Variants in ABL2 observed in about 807,000 individuals in gnomAD.
ABL2 encodes the protein tyrosine-protein kinase ABL2.
ABL2 carries 49 observed loss-of-function variants against 107.7 expected under a neutral mutation model. That is an observed-to-expected ratio of 0.45 (90% confidence interval 0.36 to 0.58). The LOEUF is 0.58. ABL2 is among the 20% of genes least tolerant of loss of function. The pLI is 0.00. For missense variants in ABL2, 1,245 were observed against 1,457.0 expected (o/e 0.85, Z 2.37); for synonymous variants, 549 against 548.6 (o/e 1.00, Z -0.01).
rs746015443 is a variant in ABL2, at chr1:179,186,393, T to TG, written c.157+42847_157+42848insC. On this transcript the variant is annotated intron_variant, in intron 1 of 11. Transcript: ENST00000502732. ...ACTTCTTTTTTGTTGTTGTTGTTGT[T>TG]TTGAGAGGGAGTTTCGCTCTTCTTG... Among the ~76,000 whole-genome samples, 5 of 152,142 alleles carry TG rather than the reference T, an allele frequency of 3.3e-5. No homozygotes were observed. The South Asian group carries it at 1.0e-3, about 32-fold the overall frequency.
At chr1:179,112,841 G>A (rs1654225406) in intron 9 of ABL2, among the ~76,000 whole-genome samples, 1 of 151,290 alleles carries the variant, frequency 6.6e-6, no homozygotes, top group Admixed American at 6.6e-5. Flanking sequence ...TGCAACCTCT[G>A]CCTCCTGGGT....
At chr1:179,205,226 C>T (rs1394076837) in intron 1 of ABL2, among the ~76,000 whole-genome samples, 2 of 152,002 alleles carry the variant, frequency 1.3e-5, no homozygotes, top group East Asian at 3.9e-4. Flanking sequence ...GGGGTTTCAC[C>T]ATGTTGGTCA....
chr1:179,229,489 T>C lies in ABL2; in HGVS notation c.-92A>G. On this transcript the variant is annotated 5_prime_UTR_variant, in exon 1 of 12. Coordinates refer to ENST00000502732, the MANE Select transcript of ABL2 (RefSeq NM_007314.4). ...GGGCTCCTGGCGCTGCTCCGGTCTCTCCCTCCCAGCCCAGGCCCTGGCCCT... is the reference window on the plus strand; with the variant it reads ...GGGCTCCTGGCGCTGCTCCGGTCTCCCCCTCCCAGCCCAGGCCCTGGCCCT... 1 of 1,328,914 alleles carries C rather than the reference T, an allele frequency of 7.5e-7. No individual in the cohort carries two copies. 82.3% of individuals were successfully genotyped at this position (1,328,914 alleles called of 1,614,324 possible). A position where few individuals can be genotyped will look rare whatever the true frequency, so the allele number is the denominator to read the frequency against.
In ABL2 at chr1:179,099,683, G is replaced by A. The variant is rs1652942601; in HGVS notation, c.*8035C>T. On this transcript the variant is annotated 3_prime_UTR_variant, in exon 12 of 12. Transcript: ENST00000502732. Reference sequence around the variant, plus strand: ...GCACCACATACACACCTGCGGGGCGGGACCTTTGGTATAAACGTTCAACGA... The same window carrying A: ...GCACCACATACACACCTGCGGGGCGAGACCTTTGGTATAAACGTTCAACGA... 8.7e-6 allele frequency: 2 copies of A among 230,866 alleles called. No individual in the cohort carries two copies. Among genetic ancestry groups the A allele is most frequent in the African/African-American group, 4.4e-5 (2 of 45,206 alleles). The allele number at this position is 230,866 out of a possible 1,614,324, so 14.3% of individuals were successfully genotyped here. A position where few individuals can be genotyped will look rare whatever the true frequency, so the allele number is the denominator to read the frequency against.
rs1029412875 is a variant in ABL2 at position 179,222,026 on chromosome 1, T to C, written c.157+7215A>G. Reference sequence around the variant, plus strand: ...TCTTTCTATATAGAATCCATTCAGATGTCTGTCAATTTGGATGTGTGATTG... The same window carrying C: ...TCTTTCTATATAGAATCCATTCAGACGTCTGTCAATTTGGATGTGTGATTG... On this transcript the variant is annotated intron_variant, in intron 1 of 11. Transcript: ENST00000502732. 2.0e-5 allele frequency: 4 copies of C among 199,298 alleles called. No individual in the cohort carries two copies. The Admixed American group carries it at 2.1e-4, about 10-fold the overall frequency. The allele number at this position is 199,298 out of a possible 1,614,324, so 12.3% of individuals were successfully genotyped here. A position where few individuals can be genotyped will look rare whatever the true frequency, so the allele number is the denominator to read the frequency against.
chr1:179,176,604 G>A (rs1484640911), intron 1 of ABL2, among the ~76,000 whole-genome samples: 1 of 151,756 alleles, frequency 6.6e-6, no homozygotes, highest in Non-Finnish European at 1.5e-5. Flanking sequence ...GGAGCTGAAG[G>A]CAAATATCTG....
chr1:179,206,242 A>G (rs1661962391), intron 1 of ABL2, among the ~76,000 whole-genome samples: 1 of 152,244 alleles, frequency 6.6e-6, no homozygotes, highest in Non-Finnish European at 1.5e-5. Flanking sequence ...CATAAAGTGC[A>G]GAAATAGAAT....
chr1:179,218,662 C>T (rs1242120040), intron 1 of ABL2, among the ~76,000 whole-genome samples: 1 of 152,122 alleles, frequency 6.6e-6, no homozygotes, highest in Non-Finnish European at 1.5e-5. Context: ...CTTCCCAAAG[C>T]ACTAGGATTA....
chr1:179,112,681 C>G (rs1447624833), intron 9 of ABL2, among the ~76,000 whole-genome samples: 1 of 151,804 alleles, frequency 6.6e-6, no homozygotes, highest in Non-Finnish European at 1.5e-5. Flanking sequence ...CCTTGACCTC[C>G]TGGGTTCAAA....
At position 179,109,210 on chromosome 1, in the gene ABL2, G is replaced by T; in HGVS notation, c.2057C>A (p.Thr686Lys). 1.2e-6 allele frequency: 2 copies of T among 1,614,146 alleles called. No individual in the cohort carries two copies. Among genetic ancestry groups the T allele is most frequent in the Non-Finnish European group, 1.7e-6 (2 of 1,180,024 alleles). The change falls in exon 12 of 12, where the codon ACG becomes AAG. Residue 686 changes from threonine (T) to lysine (K), a missense_variant. Physicochemically the swap from Thr to Lys is moderately conservative, Grantham distance 78. Coordinates refer to ENST00000502732, the MANE Select transcript of ABL2 (RefSeq NM_007314.4). ...AGAAGCAACAGATGAGAAGTTACCC[G>T]TGAGTTCGTATTTCTTATGGGGCTG... ...ENQPHKKYEL[T>K]GNFSSVASLQ...
In ABL2 at chr1:179,184,295, C is replaced by A. The variant is rs1660559361; in HGVS notation, c.157+44946G>T. ...CCTTTAAAAATAAAGTTATCTTCAACGAATTTCATTTGAATGAGAGTGGTA... is the reference window on the plus strand; with the variant it reads ...CCTTTAAAAATAAAGTTATCTTCAAAGAATTTCATTTGAATGAGAGTGGTA... On this transcript the variant is annotated intron_variant, in intron 1 of 11. Transcript: ENST00000502732. The A allele has an allele frequency of 3.9e-5, 21 of 541,292 alleles. No homozygotes were observed. The South Asian group carries it at 4.1e-4, about 11-fold the overall frequency. 33.5% of individuals were successfully genotyped at this position (541,292 alleles called of 1,614,324 possible). A position where few individuals can be genotyped will look rare whatever the true frequency, so the allele number is the denominator to read the frequency against.
rs777410062 is a variant in ABL2, at chr1:179,108,891, T to G, written c.2376A>C (p.Pro792=). The G allele has an allele frequency of 6.2e-7, 1 of 1,614,210 alleles. No homozygotes were observed. Among genetic ancestry groups the G allele is most frequent in the East Asian group, 2.2e-5 (1 of 44,888 alleles). The change falls in exon 12 of 12, where the codon CCA becomes CCC. Residue 792 remains proline (P), a synonymous_variant. Coordinates refer to ENST00000502732, the MANE Select transcript of ABL2 (RefSeq NM_007314.4). ...GGGTCATTGCCATCCTATCCTGCTC[T>G]GGAAGCCCTGAGGACATGGAAGATG... ...NSTSSMSSGL[P]EQDRMAMTLP...
Position 179,229,621 on chromosome 1 carries a change from C to A in ABL2, c.-224G>T. On this transcript the variant is annotated 5_prime_UTR_variant, in exon 1 of 12. Transcript: ENST00000502732. The stretch of plus-strand genomic sequence containing the variant: ...GCTTTTCCCTCCTCCTGTCGCGGCT[C>A]CGCGCCCCCAACGCCGCCGCCGCCG... The A allele has an allele frequency of 1.9e-6, 1 of 526,964 alleles. No homozygotes were observed. Among genetic ancestry groups the A allele is most frequent in the Non-Finnish European group, 3.2e-6 (1 of 313,388 alleles). 32.6% of individuals were successfully genotyped at this position (526,964 alleles called of 1,614,324 possible). A position where few individuals can be genotyped will look rare whatever the true frequency, so the allele number is the denominator to read the frequency against.
chr1:179,132,131 G>A (rs1253393883), intron 2 of ABL2, among the ~76,000 whole-genome samples: 1 of 152,070 alleles, frequency 6.6e-6, no homozygotes, highest in Non-Finnish European at 1.5e-5. Context: ...GGCCGCACCC[G>A]GCCTGAATGA....
At chr1:179,212,111 G>T (rs1056447282) in intron 1 of ABL2, among the ~76,000 whole-genome samples, 1 of 152,188 alleles carries the variant, frequency 6.6e-6, no homozygotes, top group Non-Finnish European at 1.5e-5. Context: ...AGAGAGAACA[G>T]CCAAGTGAAG....
At chr1:179,137,419 C>T (rs1657137488) in intron 1 of ABL2, among the ~76,000 whole-genome samples, 1 of 152,026 alleles carries the variant, frequency 6.6e-6, no homozygotes, top group Non-Finnish European at 1.5e-5. Context: ...ACATAATCCA[C>T]ACTTATAAAT....
At chr1:179,210,520 A>AAAAAAG (rs1662212001) in intron 1 of ABL2, among the ~76,000 whole-genome samples, 2 of 146,460 alleles carry the variant, frequency 1.4e-5, no homozygotes, top group African/African-American at 5.1e-5. Context: ...AAAAAAAAAG[A>AAAAAAG]AAAAAAAAAG....
Position 179,102,840 on chromosome 1 carries a change from G to C in ABL2, c.*4878C>G, listed in dbSNP as rs1269299247. The C allele has an allele frequency of 4.5e-6, 1 of 224,290 alleles. No individual in the cohort carries two copies. The highest frequency in any genetic ancestry group is 8.9e-6 in the Non-Finnish European group (1 of 112,766). The allele number at this position is 224,290 out of a possible 1,614,324, so 13.9% of individuals were successfully genotyped here. The stretch of plus-strand genomic sequence containing the variant: ...GAATTAAATTCAGCTATTCTTTTTA[G>C]AAAAAGAAAAAAAAGATGACAAATG... On this transcript the variant is annotated 3_prime_UTR_variant, in exon 12 of 12. Coordinates refer to ENST00000502732, the MANE Select transcript of ABL2 (RefSeq NM_007314.4).
intron 1 of ABL2, among the ~76,000 whole-genome samples, chr1:179,197,977 A>G (rs1661420446): frequency 6.6e-6 from 1 of 151,822 alleles, no homozygotes. Context: ...AATTCAAGAG[A>G]AGCCTGGGAA....
Sources: gnomAD v4.1 joint callset for allele counts (sites outside exome capture counted in the v4.1 genomes callset) on GRCh38, gnomAD v4.1.1 for gene constraint, MANE v1.5 for transcripts, NCBI Gene and HGNC (gene_info 2026-07-23, HGNC 2026-07-21) for gene names.